Variants in CDH7 observed in about 807,000 individuals in gnomAD.
CDH7 encodes cadherin 7.
In CDH7, 25 loss-of-function variants were observed where a neutral mutation model predicts 71.8. The ratio of observed to expected loss-of-function variants is 0.35; its 90% CI spans 0.25 to 0.49. The LOEUF is 0.49. Ranked by LOEUF, CDH7 falls within the 20% of genes least tolerant of loss-of-function variation. CDH7 has a pLI of 0.99. For synonymous variants in CDH7, 381 were observed against 363.8 expected, an observed-to-expected ratio of 1.05 and a Z score of -0.54; for missense variants, 862 against 974.6, an observed-to-expected ratio of 0.88 and a Z score of 1.54.
intron 7 of CDH7, among the ~76,000 whole-genome samples, chr18:65,851,295 A>T (rs1027850294): frequency 2.0e-5 from 3 of 152,092 alleles, no homozygotes; most frequent in Non-Finnish European, 4.4e-5. Context: ...GCACATATCG[A>T]CAAACTTTAT....
At chr18:65,767,044 G>GCCTCTTCCACTGAAATGTGTGCTTCC (rs1568174188) in intron 2 of CDH7, among the ~76,000 whole-genome samples, 3 of 150,566 alleles carry the variant, frequency 2.0e-5, no homozygotes, top group Non-Finnish European at 4.4e-5. Flanking sequence ...TGTGTGCTTC[G>GCCTCTTCCACTGAAATGTGTGCTTCC]TGCCTCTTCC....
Position 65,821,982 on chromosome 18 carries a change from G to A in CDH7, c.626-99G>A, listed in dbSNP as rs1448032644. Reference sequence around the variant, plus strand: ...TTTAAAGTAAACAAAACAACAAAAGGCAACAACTCAAGAGGGACTTACTAC... The same window carrying A: ...TTTAAAGTAAACAAAACAACAAAAGACAACAACTCAAGAGGGACTTACTAC... On this transcript the variant is annotated intron_variant, in intron 4 of 11. Transcript: ENST00000397968. The A allele has an allele frequency of 5.8e-6, 5 of 866,786 alleles. No homozygotes were observed. In the East Asian group the frequency reaches 1.0e-4, roughly 18 times the overall value. 53.7% of individuals were successfully genotyped at this position (866,786 alleles called of 1,614,324 possible).
chr18:65,872,587 G>C (rs554492440), intron 11 of CDH7, among the ~76,000 whole-genome samples: 88 of 152,100 alleles, frequency 5.8e-4, no homozygotes, highest in Non-Finnish European at 8.4e-4. Context: ...CAAAATTCAA[G>C]CTCAGTTCAA....
intron 2 of CDH7, among the ~76,000 whole-genome samples, chr18:65,778,087 T>C (rs967233871): frequency 4.6e-5 from 7 of 151,474 alleles, no homozygotes; most frequent in African/African-American, 1.7e-4. Flanking sequence ...GCCTGGCCAA[T>C]ATGGTGAAAC....
At chr18:65,759,933 T>C (rs1009055672) in intron 1 of CDH7, among the ~76,000 whole-genome samples, 2 of 152,186 alleles carry the variant, frequency 1.3e-5, no homozygotes, top group Admixed American at 6.5e-5. Flanking sequence ...TACATATATA[T>C]ATAGTACTTT....
At chr18:65,840,322 C>T (rs1040592358) in intron 6 of CDH7, among the ~76,000 whole-genome samples, 8 of 152,104 alleles carry the variant, frequency 5.3e-5, no homozygotes, top group Non-Finnish European at 8.8e-5. Context: ...TCTGTATGTC[C>T]CCTATTTGAT....
chr18:65,751,426 G>A (rs922692305), intron 1 of CDH7, among the ~76,000 whole-genome samples: 2 of 152,178 alleles, frequency 1.3e-5, no homozygotes, highest in Non-Finnish European at 2.9e-5. Flanking sequence ...TTGAGGGTAA[G>A]AGCAAATCCC....
intron 2 of CDH7, among the ~76,000 whole-genome samples, chr18:65,771,810 C>T (rs1024638453): frequency 2.6e-5 from 4 of 151,828 alleles, no homozygotes; most frequent in African/African-American, 7.3e-5. Flanking sequence ...GCCATGCAAA[C>T]GAAAAAAAAG....
At position 65,809,992 on chromosome 18, in the gene CDH7, C is replaced by G; in HGVS notation, c.499C>G (p.Pro167Ala). 6.2e-7 allele frequency: 1 copy of G among 1,609,116 alleles called. No homozygotes were observed. The highest frequency in any genetic ancestry group is 8.5e-7 in the Non-Finnish European group (1 of 1,175,858). The change falls in exon 3 of 12, where the codon CCC (proline) becomes GCC (alanine). Residue 167 changes from proline to alanine, a missense_variant. By Grantham distance (27) the Pro-to-Ala change is conservative. Coordinates refer to ENST00000397968, the MANE Select transcript of CDH7 (RefSeq NM_004361.5). ...PYTAGVPEMSPVGTSVVQVTA... is the reference protein window; with the variant it reads ...PYTAGVPEMSAVGTSVVQVTA... ...CACGGCAGGAGTTCCCGAAATGTCT[C>G]CCGTGGGTAAGTAAAGAACACTCTG...
intron 11 of CDH7, chr18:65,863,224 G>T (rs1227480170): frequency 2.9e-6 from 1 of 348,256 alleles, no homozygotes; most frequent in Non-Finnish European, 5.3e-6. Context: ...CTTTAGTAGA[G>T]ACTGAGTTTC....
chr18:65,870,818 T>C (rs1341688193), intron 11 of CDH7, among the ~76,000 whole-genome samples: 1 of 152,230 alleles, frequency 6.6e-6, no homozygotes, highest in East Asian at 1.9e-4. Context: ...GTGTTTGTTT[T>C]CTTTGCTCAA....
chr18:65,809,994 C>G lies in CDH7; in HGVS notation c.501C>G (p.Pro167=). 1 of 1,608,592 alleles carries G rather than the reference C, an allele frequency of 6.2e-7. No homozygotes were observed. Among genetic ancestry groups the G allele is most frequent in the Non-Finnish European group, 8.5e-7 (1 of 1,175,582 alleles). ...PYTAGVPEMS[P]VGTSVVQVTA... is the part of the protein sequence containing the mutation. Reference sequence around the variant, plus strand: ...CGGCAGGAGTTCCCGAAATGTCTCCCGTGGGTAAGTAAAGAACACTCTGCT... The same window carrying G: ...CGGCAGGAGTTCCCGAAATGTCTCCGGTGGGTAAGTAAAGAACACTCTGCT... Residue 167 remains proline, a synonymous_variant, in exon 3 of 12, where the codon CCC becomes CCG. Coordinates refer to ENST00000397968, the MANE Select transcript of CDH7 (RefSeq NM_004361.5).
chr18:65,811,228 A>C (rs540647210), intron 3 of CDH7, among the ~76,000 whole-genome samples: 7 of 151,794 alleles, frequency 4.6e-5, no homozygotes, highest in African/African-American at 1.2e-4. Flanking sequence ...CAATCATGCA[A>C]TCAACATACC....
At chr18:65,850,173 A>AATATAT (rs1555689070) in intron 7 of CDH7, among the ~76,000 whole-genome samples, 2 of 65,314 alleles carry the variant, frequency 3.1e-5, no homozygotes, top group East Asian at 1.5e-3. Context: ...CACTATATAT[A>AATATAT]ATATATATAT....
intron 7 of CDH7, among the ~76,000 whole-genome samples, chr18:65,854,596 G>C (rs1352588051): frequency 2.6e-5 from 4 of 151,982 alleles, no homozygotes. Flanking sequence ...AGCCCTGTGG[G>C]GAATTACATG....
rs1491587646 is a variant in CDH7 at position 65,782,011 on chromosome 18, T to TC, written c.210+18959_210+18960insC. 3.0e-5 allele frequency among the ~76,000 whole-genome samples: 3 copies of TC among 98,786 alleles called. 1 individual carries two copies. The highest frequency in any genetic ancestry group is 1.8e-4 in the Admixed American group (2 of 11,278). 64.8% of individuals were successfully genotyped at this position (98,786 alleles called of 152,430 possible). Reference sequence around the variant, plus strand: ...CTTTCTCTCTTTCTCTCTTTCTCTCTTTCTCTCTCTCTTTCTCCCTTCCTT... The same window carrying TC: ...CTTTCTCTCTTTCTCTCTTTCTCTCTCTTCTCTCTCTCTTTCTCCCTTCCTT... On this transcript the variant is annotated intron_variant, in intron 2 of 11. Coordinates refer to ENST00000397968, the MANE Select transcript of CDH7 (RefSeq NM_004361.5).
At chr18:65,778,921 C>T (rs914798852) in intron 2 of CDH7, among the ~76,000 whole-genome samples, 1 of 152,116 alleles carries the variant, frequency 6.6e-6, no homozygotes, top group Admixed American at 6.5e-5. Context: ...TCTCCAGAAA[C>T]TATTCACCTG....
At chr18:65,868,029 T>G (rs1420376819) in intron 11 of CDH7, among the ~76,000 whole-genome samples, 1 of 149,318 alleles carries the variant, frequency 6.7e-6, no homozygotes, top group Non-Finnish European at 1.5e-5. Context: ...TTTCTTGTTT[T>G]TGCAAATGAT....
At chr18:65,804,688 CCCTT>C (rs1911248128) in intron 2 of CDH7, among the ~76,000 whole-genome samples, 1 of 97,596 alleles carries the variant, frequency 1.0e-5, no homozygotes, top group South Asian at 3.9e-4. Context: ...TTTCAACCCT[CCCTT>C]AACACACGTG....
Sources: allele counts gnomAD v4.1 joint callset (sites outside exome capture counted in the v4.1 genomes callset), GRCh38; gene constraint gnomAD v4.1.1; transcripts MANE v1.5; gene names NCBI Gene and HGNC (gene_info 2026-07-23, HGNC 2026-07-21).